The following RYR3 variants were observed in gnomAD, a reference collection of about 807,000 sequenced individuals.
The protein encoded by RYR3 is brain ryanodine receptor-calcium release channel.
RYR3 carries 207 observed loss-of-function variants against 584.3 expected under a neutral mutation model. The observed-to-expected ratio is 0.35, with a 90% CI of 0.32 to 0.40. The LOEUF is 0.40. RYR3 is among the 10% of genes least tolerant of loss of function. The probability of loss-of-function intolerance (pLI) is 1.00; values close to 1 mark genes in which losing one functional copy is unlikely to be tolerated. For synonymous variants in RYR3, 2,416 were observed against 2,248.5 expected (o/e 1.07, Z -2.11); for missense variants, 5,616 against 6,089.2 (o/e 0.92, Z 2.59).
Position 33,828,667 on chromosome 15 carries a change from G to A in RYR3, c.11334+1380G>A, listed in dbSNP as rs115458702. On this transcript the variant is annotated intron_variant, in intron 85 of 103. Transcript: ENST00000634891. ...CTCTCTTCAATTCTATGAAGGCTGAGAGAGGTAAGGAAGCTGCCAAAGAAC... is the reference window on the plus strand; with the variant it reads ...CTCTCTTCAATTCTATGAAGGCTGAAAGAGGTAAGGAAGCTGCCAAAGAAC... 3.6e-3 allele frequency among the ~76,000 whole-genome samples: 541 copies of A among 152,356 alleles called. 3 individuals carry two copies. The highest frequency in any genetic ancestry group is 0.013 in the African/African-American group (520 of 41,582).
In RYR3 at chr15:33,580,053, A is replaced by G; in HGVS notation, c.1346A>G (p.Tyr449Cys). Reference sequence around the variant, plus strand: ...CAGACCCTACAGGACTTGATCGCCTACTTCCAGCCCCCAGAGGAGGAGATG... The same window carrying G: ...CAGACCCTACAGGACTTGATCGCCTGCTTCCAGCCCCCAGAGGAGGAGATG... ...VLQTLQDLIA[Y>C]FQPPEEEMRH... Residue 449 changes from tyrosine to cysteine, a missense_variant, in exon 13 of 104, where the codon TAC (tyrosine) becomes TGC (cysteine). Coordinates refer to ENST00000634891, the MANE Select transcript of RYR3 (RefSeq NM_001036.6). 6.2e-7 allele frequency: 1 copy of G among 1,613,718 alleles called. No homozygotes were observed. Among genetic ancestry groups the G allele is most frequent in the Non-Finnish European group, 8.5e-7 (1 of 1,179,754 alleles).
chr15:33,446,558 G>A (rs1199837268), intron 1 of RYR3, among the ~76,000 whole-genome samples: 2 of 152,134 alleles, frequency 1.3e-5, no homozygotes, highest in African/African-American at 4.8e-5. Context: ...TCACATGGTC[G>A]GCCCTCTGTG....
chr15:33,711,966 CT>C (rs2067153016), intron 43 of RYR3, among the ~76,000 whole-genome samples: 1 of 152,124 alleles, frequency 6.6e-6, no homozygotes, highest in African/African-American at 2.4e-5. Context: ...AAATAAATAC[CT>C]GAAACTGGGT....
chr15:33,776,794 C>A (rs527255264), intron 64 of RYR3, among the ~76,000 whole-genome samples: 1 of 152,292 alleles, frequency 6.6e-6, no homozygotes, highest in South Asian at 2.1e-4. Flanking sequence ...TTTCCTATAT[C>A]CCTAACAATC....
At chr15:33,853,140 T>A (rs2079280968) in intron 95 of RYR3, 53 bp downstream of exon 95, 2 of 1,453,714 alleles carry the variant, frequency 1.4e-6, no homozygotes, top group Non-Finnish European at 1.9e-6. Flanking sequence ...ATGTGGTGTA[T>A]GTTTTTTAAG....
intron 31 of RYR3, among the ~76,000 whole-genome samples, chr15:33,651,039 C>T (rs1161986831): frequency 1.3e-5 from 2 of 152,226 alleles, no homozygotes; most frequent in African/African-American, 4.8e-5. Flanking sequence ...TTCCAGTTTG[C>T]TGGCTCTACC....
At chr15:33,624,714 A>G (rs551494222) in intron 20 of RYR3, among the ~76,000 whole-genome samples, 7 of 152,216 alleles carry the variant, frequency 4.6e-5, no homozygotes, top group Non-Finnish European at 1.0e-4. Context: ...AATTTGAGAG[A>G]GACACATTCA....
intron 25 of RYR3, among the ~76,000 whole-genome samples, chr15:33,635,120 TTAAAATCTG>T (rs2061439292): frequency 1.3e-5 from 2 of 152,190 alleles, no homozygotes. Context: ...CTTGTTCAGA[TTAAAATCTG>T]AACAACAGCT....
chr15:33,449,531 C>T (rs545053636), intron 1 of RYR3, among the ~76,000 whole-genome samples: 288 of 152,152 alleles, frequency 1.9e-3, no homozygotes, highest in Non-Finnish European at 3.5e-3. Context: ...GAGGTTTCTA[C>T]ATAACATAGT....
intron 3 of RYR3, among the ~76,000 whole-genome samples, chr15:33,511,223 C>T (rs538142114): frequency 1.0e-4 from 15 of 149,404 alleles, no homozygotes; most frequent in Non-Finnish European, 1.8e-4. Context: ...CAGCACTGTA[C>T]TAGAGAAAAA....
At chr15:33,366,318 T>A (rs926845141) in intron 1 of RYR3, among the ~76,000 whole-genome samples, 2 of 152,180 alleles carry the variant, frequency 1.3e-5, no homozygotes, top group African/African-American at 4.8e-5. Context: ...TTCAACGGTT[T>A]CATCAGTGAA....
At chr15:33,672,171 A>G (rs1344293698) in intron 38 of RYR3, among the ~76,000 whole-genome samples, 1 of 151,776 alleles carries the variant, frequency 6.6e-6, no homozygotes, top group Non-Finnish European at 1.5e-5. Flanking sequence ...GTGGGGTCCC[A>G]CCAGGTGACC....
chr15:33,481,576 G>A (rs891634584), intron 2 of RYR3, among the ~76,000 whole-genome samples: 8 of 152,076 alleles, frequency 5.3e-5, no homozygotes, highest in African/African-American at 1.9e-4. Context: ...TGCCTCCTGG[G>A]TTCAAGCAGT....
intron 1 of RYR3, among the ~76,000 whole-genome samples, chr15:33,383,351 T>C (rs189335620): frequency 5.7e-4 from 85 of 148,522 alleles, no homozygotes; most frequent in African/African-American, 1.9e-3. Flanking sequence ...GAAAAATGAA[T>C]GCAGTTTTGA....
At position 33,550,031 on chromosome 15, in the gene RYR3, C is replaced by T. The variant is rs1368444283; in HGVS notation, c.816-129C>T. The stretch of plus-strand genomic sequence containing the variant: ...CCTACAGCAAGCCAGCAGCCTGGTG[C>T]GTTTTCCCTTAAGGATGGACACCAG... On this transcript the variant is annotated intron_variant, in intron 9 of 103. Transcript: ENST00000634891. The T allele has an allele frequency of 2.0e-5, 18 of 881,756 alleles. 1 individual carries two copies. The Admixed American group carries it at 4.3e-4, about 21-fold the overall frequency. The allele number at this position is 881,756 out of a possible 1,614,324, so 54.6% of individuals were successfully genotyped here.
intron 1 of RYR3, among the ~76,000 whole-genome samples, chr15:33,417,090 T>G (rs895532816): frequency 6.6e-6 from 1 of 152,206 alleles, no homozygotes; most frequent in Non-Finnish European, 1.5e-5. Flanking sequence ...TTGGTTACTG[T>G]AGCCTTGTAG....
At chr15:33,524,626 C>A (rs1380202344) in intron 3 of RYR3, among the ~76,000 whole-genome samples, 1 of 152,172 alleles carries the variant, frequency 6.6e-6, no homozygotes, top group East Asian at 1.9e-4. Flanking sequence ...TCCGTACCAC[C>A]TTGCCTGGAA....
At position 33,644,460 on chromosome 15, in the gene RYR3, T is replaced by C; in HGVS notation, c.3706T>C (p.Trp1236Arg). 6.2e-7 allele frequency: 1 copy of C among 1,613,996 alleles called. No homozygotes were observed. Residue 1236 changes from tryptophan (W) to arginine (R), a missense_variant, in exon 28 of 104, where the codon TGG (tryptophan) becomes CGG (arginine). This residue lies in a region of RYR3 where 152 missense variants were observed against 200.9 expected (regional missense o/e 0.76). Coordinates refer to ENST00000634891, the MANE Select transcript of RYR3 (RefSeq NM_001036.6). ...CAACATGAACAGAGATGTTGCTATG[T>C]GGTTCAGCAAGCGCCTCCCGACGTT... Reference protein sequence around the residue: ...AVNMNRDVAMWFSKRLPTFVN... With the variant: ...AVNMNRDVAMRFSKRLPTFVN...
At position 33,845,610 on chromosome 15, in the gene RYR3, G is replaced by A. The variant is rs1446490054; in HGVS notation, c.13497+548G>A. ...AGCATGATCACTGGGCAATCTGTAC[G>A]CACTTTCAAGTTTGAGAAGCCTTGA... On this transcript the variant is annotated intron_variant, in intron 93 of 103. Coordinates refer to ENST00000634891, the MANE Select transcript of RYR3 (RefSeq NM_001036.6). Among the ~76,000 whole-genome samples the A allele has an allele frequency of 3.3e-5, 5 of 152,244 alleles. No homozygotes were observed. The South Asian group carries it at 8.3e-4, about 25-fold the overall frequency.
Sources: gnomAD v4.1 joint callset for allele counts (sites outside exome capture counted in the v4.1 genomes callset) on GRCh38, gnomAD v4.1.1 for gene constraint, gnomAD v4.1.1 regional missense constraint, MANE v1.5 for transcripts, NCBI Gene and HGNC (gene_info 2026-07-23, HGNC 2026-07-21) for gene names.